AFG2A: variants seen among roughly 807,000 people sequenced by gnomAD.
AFG2A encodes ATPase family gene 2 protein homolog A.
the AFG2A span, chr4:122,933,324 T>G: frequency 1.6e-5 from 12 of 765,252 alleles, no homozygotes; most frequent in Non-Finnish European, 2.5e-5. Context: ...AGGTTGCAGG[T>G]GGATTATTCT....
At chr4:122,937,418 G>A in the AFG2A span, among the ~76,000 whole-genome samples, 1 of 151,814 alleles carries the variant, frequency 6.6e-6, no homozygotes, top group South Asian at 2.1e-4. Flanking sequence ...TGAACTCCTG[G>A]GCTCAAGCCA....
the AFG2A span, chr4:122,938,134 C>T: frequency 5.0e-6 from 8 of 1,600,934 alleles, no homozygotes; most frequent in Non-Finnish European, 6.8e-6. Flanking sequence ...AGACACCCAT[C>T]AATTATTTTT....
the AFG2A span, among the ~76,000 whole-genome samples, chr4:122,963,368 C>G: frequency 6.6e-6 from 1 of 151,868 alleles, no homozygotes; most frequent in African/African-American, 2.4e-5. Context: ...GGAAGAGAAC[C>G]CAAAGAAGTG....
At chr4:123,313,537 A>G in the AFG2A span, among the ~76,000 whole-genome samples, 4 of 152,326 alleles carry the variant, frequency 2.6e-5, no homozygotes, top group African/African-American at 9.6e-5. Context: ...ACATAGAGAC[A>G]TGCATCCTTT....
chr4:122,938,072 A>G, the AFG2A span: 6 of 1,465,334 alleles, frequency 4.1e-6, no homozygotes, highest in Non-Finnish European at 5.4e-6. Flanking sequence ...AAAACTAAGT[A>G]AAACTTAAAA....
the AFG2A span, among the ~76,000 whole-genome samples, chr4:123,146,738 C>A: frequency 2.6e-5 from 4 of 152,176 alleles, no homozygotes; most frequent in East Asian, 1.9e-4. Flanking sequence ...TTTAACCAAG[C>A]CTCCAATATT....
At chr4:123,204,863 C>T in the AFG2A span, among the ~76,000 whole-genome samples, 84,190 of 151,816 alleles carry the variant, frequency 0.55, 26,470 homozygotes, top group Non-Finnish European at 0.69. Flanking sequence ...GCAAGAGGCA[C>T]GTTTTGAAGT....
the AFG2A span, among the ~76,000 whole-genome samples, chr4:123,200,210 T>C: frequency 2.6e-5 from 4 of 152,248 alleles, no homozygotes; most frequent in Admixed American, 2.6e-4. Flanking sequence ...TTAATAAACA[T>C]CAGCCCTGAA....
At chr4:123,308,517 C>T in the AFG2A span, among the ~76,000 whole-genome samples, 1 of 152,036 alleles carries the variant, frequency 6.6e-6, no homozygotes, top group African/African-American at 2.4e-5. Flanking sequence ...GGTGTGGGAA[C>T]CCTATTGTGA....
the AFG2A span, among the ~76,000 whole-genome samples, chr4:123,052,061 T>C: frequency 6.6e-6 from 1 of 152,172 alleles, no homozygotes; most frequent in African/African-American, 2.4e-5. Context: ...GTTTTTTTCT[T>C]TCATTTCAGT....
the AFG2A span, among the ~76,000 whole-genome samples, chr4:123,303,073 CT>C: frequency 2.0e-5 from 3 of 152,180 alleles, no homozygotes; most frequent in South Asian, 6.2e-4. Flanking sequence ...TTCCTGTTCT[CT>C]CCATTCCCTT....
chr4:122,979,024 C>T, the AFG2A span, among the ~76,000 whole-genome samples: 1 of 152,152 alleles, frequency 6.6e-6, no homozygotes, highest in Non-Finnish European at 1.5e-5. Context: ...GTGAGTGGGG[C>T]TCACACCCCA....
chr4:123,142,390 C>T, the AFG2A span, among the ~76,000 whole-genome samples: 1 of 151,956 alleles, frequency 6.6e-6, no homozygotes, highest in African/African-American at 2.4e-5. Context: ...TAGCATGGTT[C>T]CTGGTACTCT....
chr4:123,253,059 G>T, the AFG2A span, among the ~76,000 whole-genome samples: 1 of 152,158 alleles, frequency 6.6e-6, no homozygotes, highest in Non-Finnish European at 1.5e-5. Context: ...GCTACTGTGG[G>T]CTGGGCACAG....
the AFG2A span, chr4:122,933,521 TTTC>T: frequency 6.3e-7 from 1 of 1,598,238 alleles, no homozygotes; most frequent in Non-Finnish European, 8.6e-7. Context: ...TTTAAATTGT[TTTC>T]TTAAGTTTTA....
At chr4:122,939,757 A>G in the AFG2A span, among the ~76,000 whole-genome samples, 1 of 151,962 alleles carries the variant, frequency 6.6e-6, no homozygotes, top group Admixed American at 6.6e-5. Context: ...CATTAGTTAT[A>G]TCTCCTAATG....
At chr4:122,927,757 A>G in the AFG2A span, 1 of 1,611,972 alleles carries the variant, frequency 6.2e-7, no homozygotes, top group South Asian at 1.1e-5. Flanking sequence ...GGAAAGCAAG[A>G]GGTAAGAGTC....
At chr4:122,943,789 A>G in the AFG2A span, among the ~76,000 whole-genome samples, 1 of 151,964 alleles carries the variant, frequency 6.6e-6, no homozygotes, top group African/African-American at 2.4e-5. Flanking sequence ...GTTCTTTTCC[A>G]TGTTTAGTGT....
chr4:123,212,379 G>A, the AFG2A span, among the ~76,000 whole-genome samples: 2 of 152,128 alleles, frequency 1.3e-5, no homozygotes, highest in East Asian at 3.9e-4. Flanking sequence ...TGTTTCAGTT[G>A]TTCCGTGATT....
Sources: gnomAD v4.1 joint callset for allele counts (sites outside exome capture counted in the v4.1 genomes callset) on GRCh38, gnomAD v4.1.1 for gene constraint, MANE v1.5 for transcripts, NCBI Gene and HGNC (gene_info 2026-07-23, HGNC 2026-07-21) for gene names.